NNT: variants seen among roughly 807,000 people sequenced by gnomAD.
The protein encoded by NNT is NAD(P) transhydrogenase, mitochondrial.
NNT carries 50 observed loss-of-function variants against 104.8 expected under a neutral mutation model. The observed-to-expected ratio is 0.48, with a 90% CI of 0.38 to 0.60. NNT has a LOEUF of 0.60. Among genes scored for constraint, NNT ranks in the 20% least tolerant of loss-of-function variants. The probability of loss-of-function intolerance (pLI) is 0.00; values close to 1 mark genes in which losing one functional copy is unlikely to be tolerated. For synonymous variants in NNT, 461 were observed against 490.4 expected (o/e 0.94, Z 0.79); for missense variants, 1,131 against 1,330.7 (o/e 0.85, Z 2.33).
chr5:43,666,831 T>C, intron 17 of NNT: 7 of 1,392,418 alleles, frequency 5.0e-6, no homozygotes, highest in Non-Finnish European at 6.0e-6. Context: ...AAGCTGGAGC[T>C]GCAGCCTGGG....
chr5:43,614,113 A>G (rs1749650300), intron 3 of NNT, among the ~76,000 whole-genome samples: 1 of 152,244 alleles, frequency 6.6e-6, no homozygotes, highest in South Asian at 2.1e-4. Flanking sequence ...TAGAGAAAAA[A>G]GAAGAGTATA....
rs777800841 is a variant in NNT, at chr5:43,690,303, G to C, written c.2877-9816G>C. On this transcript the variant is annotated intron_variant, in intron 19 of 21. Transcript: ENST00000344920. ...TCAGCCCTTAAGTGATAACAAATTT[G>C]TGTTGTTTGAAGGCACTGAATTTGT... Among the ~76,000 whole-genome samples the C allele has an allele frequency of 3.3e-5, 5 of 151,738 alleles. No homozygotes were observed. The South Asian group carries it at 6.2e-4, about 19-fold the overall frequency.
chr5:43,699,098 T>C (rs1323854205), intron 19 of NNT, among the ~76,000 whole-genome samples: 2 of 152,112 alleles, frequency 1.3e-5, no homozygotes, highest in Non-Finnish European at 2.9e-5. Flanking sequence ...TGGAGACAGA[T>C]AAATACTGGG....
At chr5:43,654,656 G>A (rs189857553) in intron 14 of NNT, among the ~76,000 whole-genome samples, 2 of 152,332 alleles carry the variant, frequency 1.3e-5, no homozygotes, top group East Asian at 3.9e-4. Flanking sequence ...TTCTTTGAAA[G>A]TCAATTTGTC....
intron 17 of NNT, among the ~76,000 whole-genome samples, chr5:43,661,991 C>T (rs1447398615): frequency 1.3e-5 from 2 of 152,066 alleles, no homozygotes; most frequent in African/African-American, 4.8e-5. Context: ...CAGAAAGTGG[C>T]TTTTAAAGTT....
intron 14 of NNT, 73 bp downstream of exon 14, chr5:43,653,286 T>C: frequency 7.4e-7 from 1 of 1,344,818 alleles, no homozygotes; most frequent in Non-Finnish European, 1.0e-6. Context: ...TCCATATTGA[T>C]GAAATAATTA....
At chr5:43,629,428 G>T (rs188181962) in intron 7 of NNT, among the ~76,000 whole-genome samples, 3 of 152,274 alleles carry the variant, frequency 2.0e-5, no homozygotes, top group African/African-American at 7.2e-5. Context: ...GAATTGTGCT[G>T]CTATAAACAT....
At chr5:43,652,415 T>A (rs1383758618) in intron 13 of NNT, among the ~76,000 whole-genome samples, 1 of 152,224 alleles carries the variant, frequency 6.6e-6, no homozygotes, top group Non-Finnish European at 1.5e-5. Context: ...TTCCAACTTG[T>A]AATATAACAG....
chr5:43,618,330 GC>G, intron 4 of NNT, among the ~76,000 whole-genome samples: 1 of 152,052 alleles, frequency 6.6e-6, no homozygotes, highest in Non-Finnish European at 1.5e-5. Flanking sequence ...TTAAAAATTT[GC>G]CCAAGGTCAC....
At chr5:43,629,288 T>C (rs1017327006) in intron 7 of NNT, among the ~76,000 whole-genome samples, 1 of 152,234 alleles carries the variant, frequency 6.6e-6, no homozygotes, top group South Asian at 2.1e-4. Context: ...TCCAAGTTTC[T>C]GTGAATGCCA....
At chr5:43,613,566 T>C (rs1344128752) in intron 3 of NNT, 1 of 155,020 alleles carries the variant, frequency 6.5e-6, no homozygotes, top group Non-Finnish European at 1.4e-5. Context: ...ACGTGCTATT[T>C]CTAGAGAGGG....
At chr5:43,649,017 A>G (rs1561289105) in intron 10 of NNT, 130 bp from the exon 11 acceptor site, 2 of 1,054,978 alleles carry the variant, frequency 1.9e-6, no homozygotes, top group Non-Finnish European at 2.8e-6. Context: ...TGTCTAAAAA[A>G]TCTGCTCATT....
intron 7 of NNT, among the ~76,000 whole-genome samples, chr5:43,640,647 TAA>T (rs201420288): frequency 0.014 from 2,102 of 152,112 alleles, 42 homozygotes; most frequent in African/African-American, 0.043. Context: ...CACATCATAC[TAA>T]GAGTGAACTT....
intron 19 of NNT, among the ~76,000 whole-genome samples, chr5:43,690,185 T>A (rs1025574579): frequency 2.4e-4 from 36 of 151,586 alleles, no homozygotes; most frequent in Admixed American, 2.0e-3. Flanking sequence ...CCTGGAGAAT[T>A]CATCACAAAA....
chr5:43,695,909 C>T (rs1246967697), intron 19 of NNT, among the ~76,000 whole-genome samples: 2 of 152,104 alleles, frequency 1.3e-5, no homozygotes, highest in Non-Finnish European at 2.9e-5. Flanking sequence ...AAAGACCTGC[C>T]CCCATGATTC....
At position 43,653,189 on chromosome 5, in the gene NNT, G is replaced by A. The variant is rs763122355; in HGVS notation, c.2035G>A (p.Ala679Thr). Residue 679 changes from alanine to threonine, a missense_variant, in exon 14 of 22, where the codon GCG becomes ACG. Ala to Thr is a moderately conservative substitution (Grantham distance 58). Coordinates refer to ENST00000344920, the MANE Select transcript of NNT (RefSeq NM_182977.3). Reference sequence around the variant, plus strand: ...AGAATTACTAGCTCAGATGTCTGGAGCGATGGCTTTGGGTGGTACCATTGG... The same window carrying A: ...AGAATTACTAGCTCAGATGTCTGGAACGATGGCTTTGGGTGGTACCATTGG... Reference protein sequence around the residue: ...GPELLAQMSGAMALGGTIGLT... With the variant: ...GPELLAQMSGTMALGGTIGLT... 2 of 1,614,086 alleles carry A rather than the reference G, an allele frequency of 1.2e-6. No homozygotes were observed. Among genetic ancestry groups the A allele is most frequent in the Non-Finnish European group, 1.7e-6 (2 of 1,179,986 alleles).
chr5:43,617,823 G>C (rs1749868559), intron 4 of NNT, among the ~76,000 whole-genome samples: 1 of 152,086 alleles, frequency 6.6e-6, no homozygotes, highest in South Asian at 2.1e-4. Flanking sequence ...GCTGTCATTT[G>C]AATTCAGGAG....
intron 7 of NNT, among the ~76,000 whole-genome samples, chr5:43,630,441 A>T (rs1052487926): frequency 1.3e-5 from 2 of 152,126 alleles, no homozygotes; most frequent in Non-Finnish European, 2.9e-5. Flanking sequence ...TATATATGTG[A>T]GAGAGAGGGG....
intron 11 of NNT, among the ~76,000 whole-genome samples, chr5:43,650,001 G>T (rs1210048284): frequency 6.6e-6 from 1 of 152,210 alleles, no homozygotes; most frequent in East Asian, 1.9e-4. Flanking sequence ...TCTCTGCAGG[G>T]AACATGTCTA....
Sources: gnomAD v4.1 joint callset for allele counts (sites outside exome capture counted in the v4.1 genomes callset) on GRCh38, gnomAD v4.1.1 for gene constraint, MANE v1.5 for transcripts, NCBI Gene and HGNC (gene_info 2026-07-23, HGNC 2026-07-21) for gene names.